Variants in ADAM18 observed in about 807,000 individuals in gnomAD.
The protein encoded by ADAM18 is disintegrin and metalloproteinase domain-containing protein 18.
In ADAM18, 117 loss-of-function variants were observed where a neutral mutation model predicts 94.4. The ratio of observed to expected loss-of-function variants is 1.24; its 90% CI spans 1.07 to 1.45. The LOEUF (loss-of-function observed/expected upper bound fraction) is 1.45. Among genes scored for constraint, ADAM18 ranks in the 40% most tolerant of loss-of-function variants. ADAM18 has a pLI of 0.00. For missense variants in ADAM18, 936 were observed against 880.0 expected, an observed-to-expected ratio of 1.06 and a Z score of -0.81; for synonymous variants, 327 against 291.6, an observed-to-expected ratio of 1.12 and a Z score of -1.24.
intron 14 of ADAM18, among the ~76,000 whole-genome samples, chr8:39,673,585 G>C (rs1431885634): frequency 2.6e-5 from 4 of 151,312 alleles, no homozygotes; most frequent in African/African-American, 7.3e-5. Flanking sequence ...TTCTGTCCTT[G>C]TGATAGTTGG....
At chr8:39,637,500 T>A in intron 8 of ADAM18, 37 bp from the exon 9 acceptor site, 1 of 1,526,206 alleles carries the variant, frequency 6.6e-7, no homozygotes, top group Admixed American at 2.0e-5. Context: ...TGTAATAACT[T>A]GTTTCTTTAA....
At chr8:39,614,195 G>C (rs1204689958) in intron 6 of ADAM18, among the ~76,000 whole-genome samples, 1 of 152,084 alleles carries the variant, frequency 6.6e-6, no homozygotes, top group East Asian at 1.9e-4. Context: ...CAAACTCAAT[G>C]TGAAAGAAAA....
rs114747231 is a variant in ADAM18 at position 39,708,354 on chromosome 8, T to G, written c.2017+1450T>G. Among the ~76,000 whole-genome samples, 909 of 152,318 alleles carry G rather than the reference T, an allele frequency of 6.0e-3. 6 individuals carry two copies. Among genetic ancestry groups the G allele is most frequent in the African/African-American group, 0.021 (854 of 41,570 alleles). On this transcript the variant is annotated intron_variant, in intron 18 of 19. Coordinates refer to ENST00000265707, the MANE Select transcript of ADAM18 (RefSeq NM_014237.3). ...TTCAACAAATGTCATTCAACAAAAT[T>G]TTTAAAATCTCATATAGAATTATAA...
At position 39,599,102 on chromosome 8, in the gene ADAM18, C is replaced by T. The variant is rs147558311; in HGVS notation, c.133-7205C>T. Among the ~76,000 whole-genome samples, 494 of 152,176 alleles carry T rather than the reference C, an allele frequency of 3.2e-3. 14 individuals are homozygous for T. Among genetic ancestry groups the T allele is most frequent in the Admixed American group, 0.029 (445 of 15,286 alleles). ...CTAGGATTACATGCATGAGCCACTG[C>T]GCCAGGCTGGATTTTTTCAAATGCC... On this transcript the variant is annotated intron_variant, in intron 2 of 19. Transcript: ENST00000265707.
At position 39,657,428 on chromosome 8, in the gene ADAM18, CA is replaced by C. The variant is rs557111422; in HGVS notation, c.1231-6366del. On this transcript the variant is annotated intron_variant, in intron 12 of 19. Coordinates refer to ENST00000265707, the MANE Select transcript of ADAM18 (RefSeq NM_014237.3). Reference sequence around the variant, plus strand: ...CCAGGTTCAAGAGATTCTCCTGCCTCAGCCTCCCGAGTAGCCAGGATTACAG... The same window carrying C: ...CCAGGTTCAAGAGATTCTCCTGCCTCGCCTCCCGAGTAGCCAGGATTACAG... Among the ~76,000 whole-genome samples, 229 of 152,250 alleles carry C rather than the reference CA, an allele frequency of 1.5e-3. 1 individual carries two copies. The highest frequency in any genetic ancestry group is 2.9e-3 in the Admixed American group (45 of 15,288).
chr8:39,657,122 G>A (rs1457284797), intron 12 of ADAM18, among the ~76,000 whole-genome samples: 1 of 152,076 alleles, frequency 6.6e-6, no homozygotes, highest in Admixed American at 6.6e-5. Context: ...AACAAATTGT[G>A]CTATAATCAT....
At position 39,645,383 on chromosome 8, in the gene ADAM18, C is replaced by T; in HGVS notation, c.955C>T (p.Gln319Ter). The change falls in exon 11 of 20, where the codon CAA becomes TAA. Residue 319 changes from glutamine to a stop codon, truncating the protein, a stop_gained. Coordinates refer to ENST00000265707, the MANE Select transcript of ADAM18 (RefSeq NM_014237.3). LOFTEE classifies it high-confidence loss of function. ...GGAGGGATTTTCGGTTATTATAGCTCAACTGCTTGGCCTTAATGTAGGATT... is the reference window on the plus strand; with the variant it reads ...GGAGGGATTTTCGGTTATTATAGCTTAACTGCTTGGCCTTAATGTAGGATT... ...GLEGFSVIIA[Q>*]LLGLNVGLTY... 1 of 1,612,518 alleles carries T rather than the reference C, an allele frequency of 6.2e-7. No individual in the cohort carries two copies. The highest frequency in any genetic ancestry group is 8.5e-7 in the Non-Finnish European group (1 of 1,179,226).
Position 39,706,867 on chromosome 8 carries a change from AG to A in ADAM18, c.1985del (p.Gly662ValfsTer30), listed in dbSNP as rs760271634. On this transcript the variant is annotated frameshift_variant, in exon 18 of 20. Transcript: ENST00000265707. LOFTEE classifies it high-confidence loss of function. ...ATTGTAAATTCCAGTTTGGTTCCCC[AG>A]GGGGTAGTATTGATGATGGAAATTT... is the stretch of plus-strand genomic sequence containing the variant. ...PDCKFQFGSP[G>X]GSIDDGNFQK... The A allele has an allele frequency of 1.2e-6, 2 of 1,609,788 alleles. No homozygotes were observed. The highest frequency in any genetic ancestry group is 1.7e-6 in the Non-Finnish European group (2 of 1,177,012).
At chr8:39,714,127 C>A (rs1822501850) in intron 18 of ADAM18, among the ~76,000 whole-genome samples, 1 of 152,156 alleles carries the variant, frequency 6.6e-6, no homozygotes, top group African/African-American at 2.4e-5. Flanking sequence ...AGGATGAGTT[C>A]ATGTCCTTTG....
Position 39,677,487 on chromosome 8 carries a change from T to C in ADAM18, c.1582T>C (p.Ser528Pro). The change falls in exon 15 of 20, where the codon TCT becomes CCT. Residue 528 changes from serine to proline, a missense_variant. Ser to Pro is a moderately conservative substitution (Grantham distance 74, BLOSUM62 -1). Coordinates refer to ENST00000265707, the MANE Select transcript of ADAM18 (RefSeq NM_014237.3). The part of the protein sequence containing the change: ...FKEVNSLHER[S>P]ENCGFKNSQP... ...AGAAGTTAATTCTCTGCATGAAAGA[T>C]CTGAAAACTGTGGTTTTAAAAATTC... 6.2e-7 allele frequency: 1 copy of C among 1,611,064 alleles called. No individual in the cohort carries two copies. The highest frequency in any genetic ancestry group is 8.5e-7 in the Non-Finnish European group (1 of 1,179,372).
chr8:39,589,494 A>G (rs889510016), intron 2 of ADAM18, among the ~76,000 whole-genome samples: 1 of 152,078 alleles, frequency 6.6e-6, no homozygotes, highest in Admixed American at 6.6e-5. Context: ...GTAAGTACAT[A>G]TTGTGTATAA....
chr8:39,726,136 A>G lies in ADAM18; in HGVS notation c.2177+2229A>G, dbSNP rs1822899670. 2.0e-5 allele frequency among the ~76,000 whole-genome samples: 3 copies of G among 151,944 alleles called. No individual in the cohort carries two copies. The South Asian group carries it at 6.2e-4, about 32-fold the overall frequency. Reference sequence around the variant, plus strand: ...TGTTTTCCTGATTATTGGTGATGTTAAGTACCTTTTGATATACCTGTTATT... The same window carrying G: ...TGTTTTCCTGATTATTGGTGATGTTGAGTACCTTTTGATATACCTGTTATT... On this transcript the variant is annotated intron_variant, in intron 19 of 19. Transcript: ENST00000265707.
chr8:39,701,117 C>CAAAAAA (rs71237188), intron 17 of ADAM18, among the ~76,000 whole-genome samples: 435 of 34,540 alleles, frequency 0.013, 66 homozygotes, highest in South Asian at 0.024. Flanking sequence ...GACTCTGTCT[C>CAAAAAA]AAAAAAAAAA....
chr8:39,661,331 T>A (rs1585952218), intron 12 of ADAM18, among the ~76,000 whole-genome samples: 2 of 22,442 alleles, frequency 8.9e-5, no homozygotes, highest in South Asian at 2.0e-3. Context: ...TTTTTTTTTT[T>A]TTTTTTTTTT....
intron 16 of ADAM18, among the ~76,000 whole-genome samples, chr8:39,690,906 T>C (rs143547379): frequency 4.6e-5 from 7 of 152,342 alleles, no homozygotes; most frequent in Admixed American, 2.6e-4. Flanking sequence ...CAAGCATTTG[T>C]ATGTTCATTG....
chr8:39,612,507 A>G (rs942653685), intron 6 of ADAM18, among the ~76,000 whole-genome samples: 1 of 152,132 alleles, frequency 6.6e-6, no homozygotes, highest in East Asian at 1.9e-4. Context: ...AGTGGCAGGG[A>G]CAGGACCCCA....
intron 12 of ADAM18, among the ~76,000 whole-genome samples, chr8:39,657,251 TA>T (rs1450801204): frequency 1.3e-4 from 20 of 152,204 alleles, no homozygotes; most frequent in African/African-American, 4.8e-4. Context: ...TATAGACTGT[TA>T]AAAGTCAAGA....
In ADAM18 at chr8:39,648,309, G is replaced by A. The variant is rs777517447; in HGVS notation, c.1047-35G>A. ...TGTTTAGATGTGGTTTTATTAGCCA[G>A]GCTTATTTGCCTGAGGAATATTATT... is the stretch of plus-strand genomic sequence containing the variant. On this transcript the variant is annotated intron_variant, in intron 11 of 19. Coordinates refer to ENST00000265707, the MANE Select transcript of ADAM18 (RefSeq NM_014237.3). The A allele has an allele frequency of 3.3e-6, 5 of 1,519,674 alleles. No homozygotes were observed. In the South Asian group the frequency reaches 5.4e-5, roughly 16 times the overall value. The allele number at this position is 1,519,674 out of a possible 1,614,324, so 94.1% of individuals were successfully genotyped here. A position where few individuals can be genotyped will look rare whatever the true frequency, so the allele number is the denominator to read the frequency against.
At chr8:39,588,593 A>G (rs905096405) in intron 2 of ADAM18, among the ~76,000 whole-genome samples, 6 of 152,106 alleles carry the variant, frequency 3.9e-5, no homozygotes, top group African/African-American at 1.4e-4. Flanking sequence ...GTTTTATCTA[A>G]GTATACATAT....
Sources: gnomAD v4.1 joint callset for allele counts (sites outside exome capture counted in the v4.1 genomes callset) on GRCh38, gnomAD v4.1.1 for gene constraint, MANE v1.5 for transcripts, NCBI Gene and HGNC (gene_info 2026-07-23, HGNC 2026-07-21) for gene names.